The following PTK2 variants were observed in gnomAD, a reference collection of about 807,000 sequenced individuals.
PTK2 encodes the protein focal adhesion kinase 1.
In PTK2, 45 loss-of-function variants were observed where a neutral mutation model predicts 150.1. That is an observed-to-expected ratio of 0.30 (90% CI 0.24 to 0.38). The LOEUF is 0.38. PTK2 is among the 10% of genes least tolerant of loss of function. The pLI is 1.00. For missense variants in PTK2, 919 were observed against 1,307.3 expected (o/e 0.70, Z 4.58); for synonymous variants, 432 against 449.2 (o/e 0.96, Z 0.48).
chr8:140,937,332 T>C (rs916605499), intron 1 of PTK2, among the ~76,000 whole-genome samples: 1 of 152,186 alleles, frequency 6.6e-6, no homozygotes, highest in Non-Finnish European at 1.5e-5. Flanking sequence ...GTTTTAAGTA[T>C]TTCCACACCT....
intron 1 of PTK2, among the ~76,000 whole-genome samples, chr8:140,979,409 A>G (rs1174799083): frequency 1.3e-5 from 2 of 152,146 alleles, no homozygotes; most frequent in African/African-American, 4.8e-5. Context: ...AATTAAAAAA[A>G]AAAAAAGGCC....
rs900059821 is a variant in PTK2, at chr8:140,785,148, C to A, written c.1177+4326G>T. 5.3e-5 allele frequency among the ~76,000 whole-genome samples: 8 copies of A among 152,174 alleles called. No individual in the cohort carries two copies. The South Asian group carries it at 1.7e-3, about 32-fold the overall frequency. On this transcript the variant is annotated intron_variant, in intron 14 of 31. Coordinates refer to ENST00000522684, the Ensembl canonical transcript of PTK2. The stretch of plus-strand genomic sequence containing the variant: ...ATGATTCCTAGGAAAAAATCAAGAA[C>A]AATTTACAGTGACAAGCTTACAGGT...
chr8:140,768,452 T>G (rs1270137066), intron 14 of PTK2, among the ~76,000 whole-genome samples: 1 of 152,236 alleles, frequency 6.6e-6, no homozygotes, highest in Admixed American at 6.5e-5. Flanking sequence ...ACTTGAGACC[T>G]TTCCCAGATG....
At chr8:140,776,351 T>C (rs2100078458) in intron 14 of PTK2, among the ~76,000 whole-genome samples, 1 of 152,252 alleles carries the variant, frequency 6.6e-6, no homozygotes, top group Non-Finnish European at 1.5e-5. Context: ...ATTTAAGAAC[T>C]GTCTGTTCTT....
intron 1 of PTK2, among the ~76,000 whole-genome samples, chr8:140,966,544 G>T (rs2100185378): frequency 6.6e-6 from 1 of 152,060 alleles, no homozygotes; most frequent in African/African-American, 2.4e-5. Flanking sequence ...TCTTTACTAA[G>T]AACAGAAATC....
chr8:140,892,034 T>C (rs1211551730), intron 2 of PTK2, among the ~76,000 whole-genome samples: 1 of 151,744 alleles, frequency 6.6e-6, no homozygotes, highest in Non-Finnish European at 1.5e-5. Flanking sequence ...GACAAGACCT[T>C]GTCTCTACTA....
chr8:140,709,831 A>C (rs962849097), intron 23 of PTK2, among the ~76,000 whole-genome samples: 1 of 152,286 alleles, frequency 6.6e-6, no homozygotes, highest in East Asian at 1.9e-4. Context: ...AGAGAAAGGA[A>C]GACACTGGTA....
chr8:140,847,359 G>A (rs1307516163), intron 5 of PTK2, among the ~76,000 whole-genome samples: 1 of 152,154 alleles, frequency 6.6e-6, no homozygotes, highest in African/African-American at 2.4e-5. Context: ...TGGAATTCTT[G>A]AAATGCCTTC....
chr8:140,969,677 A>G (rs2100186565), intron 1 of PTK2, among the ~76,000 whole-genome samples: 1 of 152,148 alleles, frequency 6.6e-6, no homozygotes, highest in Admixed American at 6.5e-5. Context: ...GAGTTCCCCA[A>G]GACTCTGTCC....
intron 14 of PTK2, among the ~76,000 whole-genome samples, chr8:140,779,700 G>T (rs2100080577): frequency 1.3e-5 from 2 of 152,174 alleles, no homozygotes; most frequent in Non-Finnish European, 2.9e-5. Context: ...CAGCAACAAG[G>T]GAGTCTGGGG....
chr8:140,743,478 T>A (rs1311225883), intron 19 of PTK2, 148 bp from the exon 23 acceptor site: 1 of 496,424 alleles, frequency 2.0e-6, no homozygotes, highest in African/African-American at 1.9e-5. Flanking sequence ...AGGATATATA[T>A]AATAAATCTC....
intron 26 of PTK2, among the ~76,000 whole-genome samples, chr8:140,692,882 C>G (rs967937385): frequency 3.3e-5 from 5 of 152,194 alleles, no homozygotes; most frequent in African/African-American, 1.2e-4. Context: ...CTCTTTAGTT[C>G]CCCGTCTCGG....
rs796083903 is a variant in PTK2 at position 140,872,231 on chromosome 8, G to A, written c.362+7240C>T. On this transcript the variant is annotated intron_variant, in intron 4 of 31. Coordinates refer to ENST00000522684, the Ensembl canonical transcript of PTK2. ...GGCTAATTTTTGTACTTTTGGTAGC[G>A]ACGGGGTTTCACCATGTTGGCCAGG... is the stretch of plus-strand genomic sequence containing the variant. Among the ~76,000 whole-genome samples, 10 of 151,888 alleles carry A rather than the reference G, an allele frequency of 6.6e-5. No homozygotes were observed. The South Asian group carries it at 8.3e-4, about 13-fold the overall frequency.
chr8:140,929,111 G>A (rs962462027), intron 1 of PTK2, among the ~76,000 whole-genome samples: 2 of 148,082 alleles, frequency 1.4e-5, no homozygotes, highest in African/African-American at 4.9e-5. Flanking sequence ...GACTACAGGC[G>A]CCCGCCACTA....
At chr8:140,675,363 C>T in intron 28 of PTK2, 97 bp downstream of exon 31, 1 of 1,331,512 alleles carries the variant, frequency 7.5e-7, no homozygotes, top group Non-Finnish European at 1.1e-6. Flanking sequence ...AAAAATTAAC[C>T]ATGAGGGTAT....
intron 11 of PTK2, among the ~76,000 whole-genome samples, 157 bp downstream of exon 11, chr8:140,803,386 T>C (rs1249428207): frequency 1.3e-5 from 2 of 152,230 alleles, no homozygotes; most frequent in Non-Finnish European, 2.9e-5. Flanking sequence ...TGGGGACATT[T>C]AATCATTATT....
chr8:140,687,791 A>G (rs1432470362), intron 26 of PTK2, among the ~76,000 whole-genome samples: 2 of 152,216 alleles, frequency 1.3e-5, no homozygotes, highest in African/African-American at 2.4e-5. Context: ...TTGGTGAAGG[A>G]CACGGCCACC....
intron 27 of PTK2, among the ~76,000 whole-genome samples, chr8:140,683,519 T>C (rs1317962309): frequency 6.6e-6 from 1 of 152,164 alleles, no homozygotes; most frequent in Non-Finnish European, 1.5e-5. Context: ...AGAATCATTC[T>C]GAGTCCCAAA....
At chr8:140,831,271 G>A (rs1381323701) in intron 7 of PTK2, among the ~76,000 whole-genome samples, 1 of 152,086 alleles carries the variant, frequency 6.6e-6, no homozygotes, top group Non-Finnish European at 1.5e-5. Flanking sequence ...AGATGTTTTG[G>A]CCACTAGGTG....
Sources: allele counts gnomAD v4.1 joint callset (sites outside exome capture counted in the v4.1 genomes callset), GRCh38; gene constraint gnomAD v4.1.1; transcripts MANE v1.5; gene names NCBI Gene and HGNC (gene_info 2026-07-23, HGNC 2026-07-21).